RGS7: variants seen among roughly 807,000 people sequenced by gnomAD.
The protein encoded by RGS7 is regulator of G-protein signaling 7.
RGS7 carries 27 observed loss-of-function variants against 81.1 expected under a neutral mutation model. The observed-to-expected ratio is 0.33, with a 90% confidence interval of 0.25 to 0.46. RGS7 has a LOEUF of 0.46. Ranked by LOEUF, RGS7 falls within the 20% of genes least tolerant of loss-of-function variation. RGS7 has a pLI of 1.00. For synonymous variants in RGS7, 208 were observed against 207.7 expected (o/e 1.00, Z -0.01); for missense variants, 396 against 607.4 (o/e 0.65, Z 3.66).
In RGS7 at chr1:241,239,097, C is replaced by G. The variant is rs191659848; in HGVS notation, c.78+116602G>C. ...TATTCTCCTGCCTCAGCCTTCTGAGCAGCTGGGACTACAGGTGTGTGCCAC... is the reference window on the plus strand; with the variant it reads ...TATTCTCCTGCCTCAGCCTTCTGAGGAGCTGGGACTACAGGTGTGTGCCAC... On this transcript the variant is annotated intron_variant, in intron 2 of 18. Transcript: ENST00000440928. 4.8e-3 allele frequency among the ~76,000 whole-genome samples: 724 copies of G among 151,512 alleles called. 2 individuals carry two copies. The highest frequency in any genetic ancestry group is 8.1e-3 in the Non-Finnish European group (548 of 67,860).
intron 4 of RGS7, among the ~76,000 whole-genome samples, chr1:240,974,393 A>G (rs1474263796): frequency 6.6e-6 from 1 of 152,194 alleles, no homozygotes; most frequent in Non-Finnish European, 1.5e-5. Context: ...TCTCACATCC[A>G]TTTAAGAGAG....
intron 3 of RGS7, among the ~76,000 whole-genome samples, chr1:241,067,840 A>T (rs2148855880): frequency 6.6e-6 from 1 of 150,604 alleles, no homozygotes; most frequent in African/African-American, 2.4e-5. Context: ...TCTAAGAATA[A>T]TACCTGCAAG....
At chr1:241,147,780 T>TTTTATTTATATA (rs1428939736) in intron 2 of RGS7, among the ~76,000 whole-genome samples, 1 of 44,604 alleles carries the variant, frequency 2.2e-5, no homozygotes, top group Non-Finnish European at 4.5e-5. Flanking sequence ...AGATTAAGTT[T>TTTTATTTATATA]TATATATATA....
At chr1:241,003,985 G>A (rs1377595258) in intron 3 of RGS7, among the ~76,000 whole-genome samples, 1 of 152,074 alleles carries the variant, frequency 6.6e-6, no homozygotes, top group Non-Finnish European at 1.5e-5. Flanking sequence ...CAAAGTGCTA[G>A]GATTACAGGC....
chr1:241,269,915 G>A (rs150904167), intron 2 of RGS7, among the ~76,000 whole-genome samples: 29 of 152,240 alleles, frequency 1.9e-4, no homozygotes, highest in South Asian at 1.5e-3. Context: ...GCAAACATAG[G>A]GCATTATGAG....
At chr1:240,930,873 G>C in intron 5 of RGS7, 105 bp from the exon 6 acceptor site, 1 of 1,125,820 alleles carries the variant, frequency 8.9e-7, no homozygotes, top group Non-Finnish European at 1.4e-6. Flanking sequence ...ATATTAGTTT[G>C]CTATATGTTT....
chr1:241,330,005 T>C (rs2081872897), intron 2 of RGS7, among the ~76,000 whole-genome samples: 2 of 152,140 alleles, frequency 1.3e-5, no homozygotes, highest in Admixed American at 1.3e-4. Flanking sequence ...GGTGGCGCAA[T>C]CTTGGCTCAC....
intron 3 of RGS7, among the ~76,000 whole-genome samples, chr1:240,996,867 T>C (rs1274287789): frequency 3.3e-5 from 5 of 152,192 alleles, no homozygotes; most frequent in Non-Finnish European, 7.3e-5. Context: ...TGCCATTTTA[T>C]TTTTTGTGGG....
intron 2 of RGS7, among the ~76,000 whole-genome samples, chr1:241,287,919 A>C (rs1466163635): frequency 6.6e-6 from 1 of 152,228 alleles, no homozygotes; most frequent in Admixed American, 6.5e-5. Flanking sequence ...ATTATTGAAA[A>C]TGGAGGTATA....
chr1:240,992,831 T>G (rs1472487500), intron 3 of RGS7, among the ~76,000 whole-genome samples: 1 of 146,810 alleles, frequency 6.8e-6, no homozygotes, highest in African/African-American at 2.5e-5. Context: ...GCTGAAACCT[T>G]GTCTCTACTA....
chr1:240,887,303 A>T (rs1188813164), intron 6 of RGS7, among the ~76,000 whole-genome samples: 1 of 140,024 alleles, frequency 7.1e-6, no homozygotes, highest in South Asian at 2.2e-4. Context: ...ATCTTGGCTC[A>T]CTGCAAGCTC....
At chr1:241,298,779 A>G (rs375354499) in intron 2 of RGS7, among the ~76,000 whole-genome samples, 5 of 152,158 alleles carry the variant, frequency 3.3e-5, no homozygotes, top group African/African-American at 9.7e-5. Flanking sequence ...CAGGCGATCC[A>G]TGCTGGCCAT....
chr1:241,333,545 T>C (rs78282539), intron 2 of RGS7, among the ~76,000 whole-genome samples: 4,250 of 152,234 alleles, frequency 0.028, 129 homozygotes, highest in African/African-American at 0.073. Flanking sequence ...ATCTACCATA[T>C]ACAATGAGGA....
chr1:241,346,376 A>G (rs1244095812), intron 2 of RGS7, among the ~76,000 whole-genome samples: 1 of 114,484 alleles, frequency 8.7e-6, no homozygotes, highest in African/African-American at 3.1e-5. Flanking sequence ...CCATACACAT[A>G]GCTGCCCCAT....
intron 9 of RGS7, among the ~76,000 whole-genome samples, chr1:240,841,490 T>G (rs1657978888): frequency 6.6e-6 from 1 of 152,198 alleles, no homozygotes; most frequent in African/African-American, 2.4e-5. Flanking sequence ...AAACCCCATA[T>G]GAGAAAAACC....
intron 2 of RGS7, among the ~76,000 whole-genome samples, chr1:241,267,585 T>C (rs1390347326): frequency 2.6e-5 from 4 of 152,172 alleles, no homozygotes; most frequent in African/African-American, 9.7e-5. Context: ...TTCTCCCCCT[T>C]ATTATCTCTC....
chr1:241,168,987 G>A (rs1253769261), intron 2 of RGS7, among the ~76,000 whole-genome samples: 1 of 152,140 alleles, frequency 6.6e-6, no homozygotes, highest in Non-Finnish European at 1.5e-5. Context: ...ATGCCACCTG[G>A]TTGACATCTT....
chr1:240,847,035 G>A (rs1261633522), intron 9 of RGS7, among the ~76,000 whole-genome samples: 1 of 152,112 alleles, frequency 6.6e-6, no homozygotes, highest in Non-Finnish European at 1.5e-5. Flanking sequence ...AATATTTGTT[G>A]TTTTATTCCG....
chr1:241,087,995 TACACACACACAC>T (rs749815534), intron 3 of RGS7, among the ~76,000 whole-genome samples: 1,237 of 116,208 alleles, frequency 0.011, 20 homozygotes, highest in African/African-American at 0.042. Flanking sequence ...TATATATATA[TACACACACACAC>T]ATATATATAT....
Sources: gnomAD v4.1 joint callset for allele counts (sites outside exome capture counted in the v4.1 genomes callset) on GRCh38, gnomAD v4.1.1 for gene constraint, MANE v1.5 for transcripts, NCBI Gene and HGNC (gene_info 2026-07-23, HGNC 2026-07-21) for gene names.